The following TECRL variants were observed in gnomAD, a reference collection of about 807,000 sequenced individuals.
TECRL encodes trans-2,3-enoyl-CoA reductase like, also known as trans-2,3-enoyl-CoA reductase-like.
A neutral mutation model predicts 52.8 loss-of-function variants in TECRL; 63 were observed. That is an observed-to-expected ratio of 1.19 (90% CI 0.97 to 1.47). The LOEUF is 1.47. TECRL is among the 40% of genes most tolerant of loss of function. TECRL has a pLI of 0.00. For missense variants in TECRL, 482 were observed against 429.6 expected, an observed-to-expected ratio of 1.12 and a Z score of -1.08; for synonymous variants, 164 against 141.9, an observed-to-expected ratio of 1.16 and a Z score of -1.10.
Position 64,408,986 on chromosome 4 carries a change from A to C in TECRL, c.234+132T>G, listed in dbSNP as rs532788637. 6 of 813,302 alleles carry C rather than the reference A, an allele frequency of 7.4e-6. No individual in the cohort carries two copies. In the East Asian group the frequency reaches 1.6e-4, roughly 22 times the overall value. 50.4% of individuals were successfully genotyped at this position (813,302 alleles called of 1,614,324 possible). A position where few individuals can be genotyped will look rare whatever the true frequency, so the allele number is the denominator to read the frequency against. The stretch of plus-strand genomic sequence containing the variant: ...GCATAAAGTATGCATCCTGTTCACC[A>C]CAAAATTAAGGTAAAAGTCAGAAAT... On this transcript the variant is annotated intron_variant, in intron 1 of 11. Transcript: ENST00000381210.
chr4:64,391,190 A>G (rs537531512), intron 1 of TECRL, among the ~76,000 whole-genome samples: 1 of 152,020 alleles, frequency 6.6e-6, no homozygotes, highest in East Asian at 1.9e-4. Context: ...AATTCTAAAA[A>G]AAGTTTGATG....
downstream of TECRL, chr4:64,277,171 A>G: frequency 1.6e-6 from 1 of 628,736 alleles, no homozygotes; most frequent in East Asian, 2.8e-5. Flanking sequence ...ATGATGGAGC[A>G]ACTGGCATAA....
intron 2 of TECRL, among the ~76,000 whole-genome samples, chr4:64,329,110 G>C (rs1016430841): frequency 2.0e-5 from 3 of 151,846 alleles, no homozygotes; most frequent in African/African-American, 7.2e-5. Context: ...GGAATAAAGA[G>C]AGCACTAAAT....
At chr4:64,329,199 T>C (rs1718461781) in intron 2 of TECRL, among the ~76,000 whole-genome samples, 1 of 151,980 alleles carries the variant, frequency 6.6e-6, no homozygotes, top group South Asian at 2.1e-4. Flanking sequence ...ATTATCAGAA[T>C]ATAACTTTAT....
At chr4:64,401,721 G>A (rs923183581) in intron 1 of TECRL, among the ~76,000 whole-genome samples, 1 of 152,126 alleles carries the variant, frequency 6.6e-6, no homozygotes, top group African/African-American at 2.4e-5. Context: ...AAATGTGTAC[G>A]TCTCTCTTGA....
chr4:64,407,238 A>G (rs970233653), intron 1 of TECRL, among the ~76,000 whole-genome samples: 1 of 152,094 alleles, frequency 6.6e-6, no homozygotes, highest in African/African-American at 2.4e-5. Flanking sequence ...CTAAGTTTCT[A>G]TAAAGATCTG....
At chr4:64,300,302 T>TA (rs1723941241) in intron 7 of TECRL, among the ~76,000 whole-genome samples, 2 of 150,768 alleles carry the variant, frequency 1.3e-5, no homozygotes, top group Non-Finnish European at 3.0e-5. Flanking sequence ...TGTCCCATTT[T>TA]AAAAGCACAC....
intron 11 of TECRL, 49 bp downstream of exon 11, chr4:64,280,992 C>T: frequency 7.2e-7 from 1 of 1,385,296 alleles, no homozygotes; most frequent in Non-Finnish European, 1.0e-6. Flanking sequence ...AACCATTTAT[C>T]TTAAAGATGC....
Position 64,364,475 on chromosome 4 carries a change from A to AT in TECRL, c.286+10696dup, listed in dbSNP as rs534907111. ...AAAAGATCAATGAAACCAAAAGTTT[A>AT]TTTTTTAAAATAATAAATAAGATTG... On this transcript the variant is annotated intron_variant, in intron 2 of 11. Transcript: ENST00000381210. Among the ~76,000 whole-genome samples, 1,447 of 152,156 alleles carry AT rather than the reference A, an allele frequency of 9.5e-3. 26 individuals carry two copies. The highest frequency in any genetic ancestry group is 0.033 in the African/African-American group (1,364 of 41,556).
chr4:64,301,820 G>A (rs1009732545), intron 7 of TECRL, among the ~76,000 whole-genome samples: 8 of 151,098 alleles, frequency 5.3e-5, no homozygotes, highest in African/African-American at 1.2e-4. Context: ...GAATAATGAT[G>A]TGATAAAAAC....
At chr4:64,313,947 C>A (rs1347463944) in intron 5 of TECRL, among the ~76,000 whole-genome samples, 1 of 130,166 alleles carries the variant, frequency 7.7e-6, no homozygotes, top group Non-Finnish European at 1.6e-5. Flanking sequence ...CCCTGGCTAA[C>A]ACGGTGAAAT....
intron 1 of TECRL, among the ~76,000 whole-genome samples, chr4:64,381,239 T>C (rs1722769756): frequency 6.6e-6 from 1 of 152,162 alleles, no homozygotes; most frequent in South Asian, 2.1e-4. Flanking sequence ...ATGTTGATTT[T>C]GTATTCTGAA....
intron 1 of TECRL, among the ~76,000 whole-genome samples, chr4:64,381,408 T>A (rs1309154468): frequency 6.6e-6 from 1 of 151,890 alleles, no homozygotes; most frequent in Non-Finnish European, 1.5e-5. Context: ...CTGATTGCTC[T>A]GAATAGGATT....
chr4:64,293,505 G>T (rs905619788), intron 8 of TECRL, among the ~76,000 whole-genome samples: 1 of 151,936 alleles, frequency 6.6e-6, no homozygotes, highest in Admixed American at 6.6e-5. Context: ...ATAATATATG[G>T]GATTTCAGCA....
At chr4:64,294,364 CA>C (rs2109959516) in intron 8 of TECRL, among the ~76,000 whole-genome samples, 1 of 152,198 alleles carries the variant, frequency 6.6e-6, no homozygotes, top group South Asian at 2.1e-4. Flanking sequence ...GAAATGTAGA[CA>C]TTGCTAAAAT....
intron 1 of TECRL, among the ~76,000 whole-genome samples, chr4:64,392,322 T>C (rs1723601840): frequency 6.6e-6 from 1 of 151,770 alleles, no homozygotes; most frequent in Admixed American, 6.6e-5. Context: ...ATAATAAAAA[T>C]AGTAATATTT....
At chr4:64,328,078 G>T (rs975892494) in intron 3 of TECRL, among the ~76,000 whole-genome samples, 1 of 151,888 alleles carries the variant, frequency 6.6e-6, no homozygotes, top group Admixed American at 6.6e-5. Context: ...GAAATTTGAG[G>T]TTTAATAGTG....
chr4:64,359,764 C>T (rs2109608284), intron 2 of TECRL, among the ~76,000 whole-genome samples: 1 of 152,140 alleles, frequency 6.6e-6, no homozygotes, highest in Admixed American at 6.6e-5. Flanking sequence ...ATTTTACAAT[C>T]ATATATCACA....
intron 1 of TECRL, among the ~76,000 whole-genome samples, chr4:64,376,385 A>G (rs1011442793): frequency 8.6e-5 from 13 of 151,942 alleles, no homozygotes; most frequent in Admixed American, 3.9e-4. Flanking sequence ...TTCTGTGTAT[A>G]TAAAGTTATA....
Sources: allele counts gnomAD v4.1 joint callset (sites outside exome capture counted in the v4.1 genomes callset), GRCh38; gene constraint gnomAD v4.1.1; transcripts MANE v1.5; gene names NCBI Gene and HGNC (gene_info 2026-07-23, HGNC 2026-07-21).